ZNF343: variants seen among roughly 807,000 people sequenced by gnomAD.
The protein encoded by ZNF343 is zinc finger protein 343.
A neutral mutation model predicts 13.8 loss-of-function variants in ZNF343; 11 were observed. That is an observed-to-expected ratio of 0.80 (90% CI 0.50 to 1.32). The LOEUF (loss-of-function observed/expected upper bound fraction) is 1.32. Ranked by LOEUF, ZNF343 falls within the 40% of genes most tolerant of loss-of-function variation. The pLI, the probability that ZNF343 is intolerant of heterozygous loss-of-function variation, is 0.00. For synonymous variants in ZNF343, 248 were observed against 260.0 expected (o/e 0.95, Z 0.44); for missense variants, 658 against 714.2 (o/e 0.92, Z 0.90).
At chr20:2,507,395 T>G (rs1383750904) in intron 1 of ZNF343, among the ~76,000 whole-genome samples, 1 of 152,188 alleles carries the variant, frequency 6.6e-6, no homozygotes, top group African/African-American at 2.4e-5. Flanking sequence ...GAATACAGTC[T>G]GCCCTGACAA....
intron 5 of ZNF343, among the ~76,000 whole-genome samples, chr20:2,489,930 T>C (rs1351904504): frequency 2.0e-5 from 3 of 151,528 alleles, no homozygotes; most frequent in Non-Finnish European, 2.9e-5. Flanking sequence ...GGTGGGTGGA[T>C]TGCTTAAGCC....
At chr20:2,484,773 A>T in intron 5 of ZNF343, 117 bp from the exon 6 acceptor site, 1 of 916,980 alleles carries the variant, frequency 1.1e-6, no homozygotes, top group South Asian at 1.9e-5. Flanking sequence ...ATATAAGTAT[A>T]ACACAATTTG....
At chr20:2,491,610 T>G (rs2085366033) in intron 5 of ZNF343, among the ~76,000 whole-genome samples, 1 of 152,194 alleles carries the variant, frequency 6.6e-6, no homozygotes, top group Non-Finnish European at 1.5e-5. Context: ...TCATGATACA[T>G]AAACATTATA....
chr20:2,482,507 A>G lies in ZNF343; in HGVS notation c.*654T>C, dbSNP rs1387599840. 1 of 152,874 alleles carries G rather than the reference A, an allele frequency of 6.5e-6. No homozygotes were observed. Among genetic ancestry groups the G allele is most frequent in the East Asian group, 1.9e-4 (1 of 5,184 alleles). The allele number at this position is 152,874 out of a possible 1,614,324, so 9.5% of individuals were successfully genotyped here. Reference sequence around the variant, plus strand: ...CGTTGAGTCAAGGGTTGGGGCCAGAAGGTACCCCTGCAAAGGTGCATTGCC... The same window carrying G: ...CGTTGAGTCAAGGGTTGGGGCCAGAGGGTACCCCTGCAAAGGTGCATTGCC... On this transcript the variant is annotated 3_prime_UTR_variant, in exon 6 of 6. Transcript: ENST00000278772.
intron 2 of ZNF343, among the ~76,000 whole-genome samples, chr20:2,498,660 A>AT (rs2085502548): frequency 6.6e-6 from 1 of 152,186 alleles, no homozygotes; most frequent in African/African-American, 2.4e-5. Flanking sequence ...GTAAGCATAT[A>AT]TTATGTGCCA....
chr20:2,509,322 C>T (rs1425400618), upstream of ZNF343, among the ~76,000 whole-genome samples: 2 of 152,180 alleles, frequency 1.3e-5, no homozygotes, highest in Non-Finnish European at 2.9e-5. Context: ...CGCGAACTAC[C>T]TTGCGTGAGC....
upstream of ZNF343, among the ~76,000 whole-genome samples, chr20:2,510,096 G>C (rs939443269): frequency 3.3e-5 from 5 of 152,184 alleles, no homozygotes; most frequent in African/African-American, 1.2e-4. Flanking sequence ...CTGCCCGCTT[G>C]TCACAGATAA....
chr20:2,511,670 T>G (rs1568492646), upstream of ZNF343, among the ~76,000 whole-genome samples: 1 of 152,208 alleles, frequency 6.6e-6, no homozygotes, highest in Non-Finnish European at 1.5e-5. Flanking sequence ...AAAAATGAAG[T>G]CTATTCATAA....
rs1375501856 is a variant in ZNF343 at position 2,518,875 on chromosome 20, G to A, written c.-347+5580C>T. 6.6e-6 allele frequency among the ~76,000 whole-genome samples: 1 copy of A among 152,176 alleles called. No homozygotes were observed. Among genetic ancestry groups the A allele is most frequent in the Non-Finnish European group, 1.5e-5 (1 of 68,040 alleles). ...CCTGGTGGAAGGCGATTGGCTCATGGGGGTGGTTTCATCCATGCTGTCCTC... is the reference window on the plus strand; with the variant it reads ...CCTGGTGGAAGGCGATTGGCTCATGAGGGTGGTTTCATCCATGCTGTCCTC... On this transcript the variant is annotated intron_variant, in intron 1 of 6. Transcript: ENST00000358413. The surrounding 1 kb of genome is among the most constrained non-coding windows in gnomAD (Gnocchi z 4.6).
chr20:2,494,193 C>T, intron 2 of ZNF343, 149 bp from the exon 3 acceptor site: 1 of 321,822 alleles, frequency 3.1e-6, no homozygotes, highest in South Asian at 5.0e-5. Context: ...GGATTTTCTA[C>T]CTTCATTCAC....
At chr20:2,515,297 T>C (rs1050583547) in intron 1 of ZNF343, among the ~76,000 whole-genome samples, 7 of 106,980 alleles carry the variant, frequency 6.5e-5, no homozygotes, top group African/African-American at 2.7e-4. Context: ...GAATCCCATA[T>C]TGGTTTTTTT....
At chr20:2,516,326 A>G (rs2085759390) in intron 1 of ZNF343, among the ~76,000 whole-genome samples, 1 of 152,132 alleles carries the variant, frequency 6.6e-6, no homozygotes, top group African/African-American at 2.4e-5. Flanking sequence ...CCCTGTCTTC[A>G]AAAAGGGAGG....
In ZNF343 at chr20:2,493,614, C is replaced by CT. The variant is rs780235390; in HGVS notation, c.119-38_119-37insA. 3 of 1,260,890 alleles carry CT rather than the reference C, an allele frequency of 2.4e-6. No homozygotes were observed. In the South Asian group the frequency reaches 3.7e-5, roughly 15 times the overall value. The allele number at this position is 1,260,890 out of a possible 1,614,324, so 78.1% of individuals were successfully genotyped here. On this transcript the variant is annotated intron_variant, in intron 3 of 5. Transcript: ENST00000278772. ...AAAAGAAGCTATGAGAAACCAGACC[C>CT]CCCCACCCCCCACCCCCCACCATGA... is the stretch of plus-strand genomic sequence containing the variant.
intron 1 of ZNF343, among the ~76,000 whole-genome samples, chr20:2,517,577 C>G (rs1478078052): frequency 6.6e-6 from 1 of 151,756 alleles, no homozygotes; most frequent in East Asian, 1.9e-4. Context: ...TCATGGCTCA[C>G]TGCAGCCTCG....
Position 2,493,571 on chromosome 20 carries a change from G to C in ZNF343, c.125C>G (p.Pro42Arg). 1 of 1,613,360 alleles carries C rather than the reference G, an allele frequency of 6.2e-7. No individual in the cohort carries two copies. Among genetic ancestry groups the C allele is most frequent in the Non-Finnish European group, 8.5e-7 (1 of 1,179,712 alleles). Residue 42 changes from proline to arginine, a missense_variant, in exon 4 of 6, where the codon CCT becomes CGT. Physicochemically the swap from Pro to Arg is moderately radical, Grantham distance 103. Coordinates refer to ENST00000278772, the MANE Select transcript of ZNF343 (RefSeq NM_024325.6). ...LTQNHKAKGL[P>R]SNDTDCPQKK... ...CTGGGGGCAGTCAGTATCATTAGAA[G>C]GCAAGCCTAGGGAAAGAAAAAGAAG...
upstream of ZNF343, among the ~76,000 whole-genome samples, chr20:2,512,712 G>T (rs1210603858): frequency 6.6e-6 from 1 of 152,086 alleles, no homozygotes; most frequent in Non-Finnish European, 1.5e-5. Flanking sequence ...TTAGAAGAAA[G>T]CATAAGGGTT....
At chr20:2,515,995 G>T (rs1338138488) in intron 1 of ZNF343, among the ~76,000 whole-genome samples, 1 of 152,124 alleles carries the variant, frequency 6.6e-6, no homozygotes. Flanking sequence ...TCAGAAAGGG[G>T]TGAATGTGAG....
chr20:2,517,133 C>A (rs1191772823), intron 1 of ZNF343, among the ~76,000 whole-genome samples: 1 of 152,156 alleles, frequency 6.6e-6, no homozygotes, highest in African/African-American at 2.4e-5. Flanking sequence ...GGGAATATTT[C>A]AAATGATATG....
chr20:2,512,251 C>A (rs1390672967), upstream of ZNF343, among the ~76,000 whole-genome samples: 1 of 152,184 alleles, frequency 6.6e-6, no homozygotes, highest in Non-Finnish European at 1.5e-5. Flanking sequence ...TTCCTCAAAG[C>A]AATCTACAGA....
Sources: allele counts gnomAD v4.1 joint callset (sites outside exome capture counted in the v4.1 genomes callset), GRCh38; gene constraint gnomAD v4.1.1; non-coding constraint Gnocchi (gnomAD v3.1); transcripts MANE v1.5; gene names NCBI Gene and HGNC (gene_info 2026-07-23, HGNC 2026-07-21).